Variants in MYO16 observed in about 807,000 individuals in gnomAD.
MYO16 encodes the protein myosin XVI, also known as unconventional myosin-XVI.
Under a neutral mutation model 205.3 loss-of-function variants are expected in MYO16, and 94 were observed. The observed-to-expected ratio is 0.46, with a 90% CI of 0.39 to 0.54. The LOEUF (loss-of-function observed/expected upper bound fraction) is 0.54, where lower values mean the gene tolerates loss of function less well. MYO16 is among the 20% of genes least tolerant of loss of function. The pLI is 0.00. For synonymous variants in MYO16, 988 were observed against 954.0 expected, an observed-to-expected ratio of 1.04 and a Z score of -0.66; for missense variants, 2,315 against 2,387.5, an observed-to-expected ratio of 0.97 and a Z score of 0.63.
the MYO16 span, among the ~76,000 whole-genome samples, chr13:108,580,600 A>T: frequency 6.6e-6 from 1 of 152,226 alleles, no homozygotes; most frequent in Non-Finnish European, 1.5e-5. Flanking sequence ...CACTCAGTTT[A>T]TCTGTTTATT....
chr13:108,865,220 A>G (rs144529079), intron 11 of MYO16, among the ~76,000 whole-genome samples: 96 of 152,292 alleles, frequency 6.3e-4, no homozygotes, highest in African/African-American at 2.2e-3. Context: ...ACTACTTTAA[A>G]ATTTTGTCTG....
intron 2 of MYO16, among the ~76,000 whole-genome samples, chr13:108,696,749 A>G (rs866392335): frequency 1.1e-4 from 16 of 152,146 alleles, no homozygotes; most frequent in African/African-American, 2.7e-4. Context: ...CTGTACCCCA[A>G]TTGAAAAACA....
At chr13:108,610,897 G>C (rs1001186736) in intron 1 of MYO16, among the ~76,000 whole-genome samples, 2 of 152,164 alleles carry the variant, frequency 1.3e-5, no homozygotes, top group African/African-American at 4.8e-5. Context: ...CCTCTGGATA[G>C]ATAAGTCTAC....
At position 109,008,943 on chromosome 13, in the gene MYO16, A is replaced by C; in HGVS notation, c.2489A>C (p.Glu830Ala). ...GAGAAGATGCACCACTATATCAATG[A>C]AGTGCTTTTTCTCCACGAGCAAGTG... ...TNEKMHHYIN[E>A]VLFLHEQVEC... is the part of the protein sequence containing the mutation. The change falls in exon 22 of 35, where the codon GAA becomes GCA. Residue 830 changes from glutamate to alanine, a missense_variant. Physicochemically the swap from Glu to Ala is moderately radical, Grantham distance 107. Transcript: ENST00000457511. 1 of 1,613,416 alleles carries C rather than the reference A, an allele frequency of 6.2e-7. No individual in the cohort carries two copies. The highest frequency in any genetic ancestry group is 8.5e-7 in the Non-Finnish European group (1 of 1,179,644).
intron 20 of MYO16, among the ~76,000 whole-genome samples, chr13:108,968,283 A>G (rs1350113444): frequency 2.0e-5 from 3 of 152,090 alleles, no homozygotes; most frequent in Non-Finnish European, 4.4e-5. Context: ...ACCCATTTCC[A>G]TCTCTGATTC....
At chr13:108,756,705 AC>A (rs11332991) in intron 4 of MYO16, among the ~76,000 whole-genome samples, 23,610 of 152,012 alleles carry the variant, frequency 0.16, 2,064 homozygotes, top group Non-Finnish European at 0.21. Context: ...ATAGAAAAAA[AC>A]AAAGGAAAAT....
rs139499757 is a variant in MYO16, at chr13:108,956,339, C to T, written c.1926-1349C>T. 3.7e-4 allele frequency among the ~76,000 whole-genome samples: 57 copies of T among 152,184 alleles called. No individual in the cohort carries two copies. In the East Asian group the frequency reaches 5.6e-3, roughly 15 times the overall value. On this transcript the variant is annotated intron_variant, in intron 16 of 34. Transcript: ENST00000457511. ...CCTCCCTTCCCCTCTCCCCATCCGT[C>T]CTCTTCTTCACCACTGCTGGCCTCT... is the stretch of plus-strand genomic sequence containing the variant.
chr13:109,069,669 G>C (rs939713637), intron 27 of MYO16, among the ~76,000 whole-genome samples: 3 of 152,040 alleles, frequency 2.0e-5, no homozygotes, highest in African/African-American at 7.2e-5. Context: ...GAAGGAGGTC[G>C]GGGGAGTGCT....
At chr13:109,024,882 C>T (rs563607706) in intron 23 of MYO16, among the ~76,000 whole-genome samples, 1 of 152,230 alleles carries the variant, frequency 6.6e-6, no homozygotes, top group African/African-American at 2.4e-5. Flanking sequence ...GACACATACA[C>T]TTAAATTTTG....
chr13:109,107,725 A>G (rs1889160307), intron 28 of MYO16, among the ~76,000 whole-genome samples: 1 of 151,368 alleles, frequency 6.6e-6, no homozygotes, highest in South Asian at 2.1e-4. Context: ...CTCTGGAATT[A>G]TAAATGTTGA....
At chr13:109,105,810 A>G (rs558382382) in intron 28 of MYO16, among the ~76,000 whole-genome samples, 1 of 152,152 alleles carries the variant, frequency 6.6e-6, no homozygotes, top group African/African-American at 2.4e-5. Context: ...GCCCTTTTTC[A>G]TAGAATTTGA....
chr13:108,631,117 G>T (rs1879959840), intron 1 of MYO16, among the ~76,000 whole-genome samples: 1 of 152,222 alleles, frequency 6.6e-6, no homozygotes, highest in Non-Finnish European at 1.5e-5. Context: ...TGGAGAAATA[G>T]ACACAGGGCA....
At chr13:108,969,160 A>G (rs1883913904) in intron 20 of MYO16, among the ~76,000 whole-genome samples, 3 of 152,320 alleles carry the variant, frequency 2.0e-5, no homozygotes, top group Non-Finnish European at 4.4e-5. Context: ...TCTGGCCACT[A>G]GGCATATGGA....
chr13:108,603,388 A>G (rs77381818), intron 1 of MYO16, among the ~76,000 whole-genome samples: 2,400 of 152,312 alleles, frequency 0.016, 54 homozygotes, highest in South Asian at 0.086. Flanking sequence ...AAATTGAACC[A>G]AAGTTGGGAA....
At chr13:108,842,146 T>G (rs1366853430) in intron 9 of MYO16, among the ~76,000 whole-genome samples, 1 of 152,060 alleles carries the variant, frequency 6.6e-6, no homozygotes, top group Non-Finnish European at 1.5e-5. Flanking sequence ...CAACAACTTT[T>G]GTGGCAGTGA....
chr13:108,656,215 G>C (rs977239972), intron 1 of MYO16, among the ~76,000 whole-genome samples: 2 of 152,046 alleles, frequency 1.3e-5, no homozygotes, highest in East Asian at 3.9e-4. Flanking sequence ...TTGAATCATG[G>C]GAGCAGTTTC....
At chr13:108,689,746 G>A (rs1229200236) in intron 2 of MYO16, among the ~76,000 whole-genome samples, 6 of 151,808 alleles carry the variant, frequency 4.0e-5, no homozygotes, top group Non-Finnish European at 7.4e-5. Context: ...AGTTAAAGCC[G>A]AAAAGCTCAA....
intron 28 of MYO16, among the ~76,000 whole-genome samples, chr13:109,115,323 T>G (rs1875626159): frequency 6.6e-6 from 1 of 151,718 alleles, no homozygotes; most frequent in African/African-American, 2.4e-5. Flanking sequence ...AATGACAATT[T>G]TGTTTAATCT....
intron 16 of MYO16, among the ~76,000 whole-genome samples, chr13:108,938,234 C>A (rs140786696): frequency 7.3e-4 from 111 of 152,212 alleles, no homozygotes; most frequent in African/African-American, 2.4e-3. Context: ...CTTTGCAGTT[C>A]ATCCTATAAG....
Sources: allele counts gnomAD v4.1 joint callset (sites outside exome capture counted in the v4.1 genomes callset), GRCh38; gene constraint gnomAD v4.1.1; transcripts MANE v1.5; gene names NCBI Gene and HGNC (gene_info 2026-07-23, HGNC 2026-07-21).